TCF7L2: variants seen among roughly 807,000 people sequenced by gnomAD.
The protein encoded by TCF7L2 is transcription factor 7 like 2.
TCF7L2 carries 23 observed loss-of-function variants against 77.9 expected under a neutral mutation model. That is an observed-to-expected ratio of 0.30 (90% CI 0.21 to 0.42). The LOEUF (loss-of-function observed/expected upper bound fraction) is 0.42, where lower values mean the gene tolerates loss of function less well. Ranked by LOEUF, TCF7L2 falls within the 10% of genes least tolerant of loss-of-function variation. The pLI, the probability that TCF7L2 is intolerant of heterozygous loss-of-function variation, is 1.00. For synonymous variants in TCF7L2, 413 were observed against 340.2 expected, an observed-to-expected ratio of 1.21 and a Z score of -2.36; for missense variants, 654 against 793.1, an observed-to-expected ratio of 0.82 and a Z score of 2.11.
intron 4 of TCF7L2, among the ~76,000 whole-genome samples, chr10:112,989,217 A>G (rs567177081): frequency 5.3e-5 from 8 of 151,976 alleles, no homozygotes; most frequent in Non-Finnish European, 8.8e-5. Flanking sequence ...TCCAGTATAG[A>G]CCTGAAGCTG....
At chr10:113,150,912 T>C in intron 8 of TCF7L2, 86 bp from the exon 9 acceptor site, 1 of 1,557,302 alleles carries the variant, frequency 6.4e-7, no homozygotes, top group Non-Finnish European at 8.7e-7. Flanking sequence ...CGTGCTGTTT[T>C]TTTTTTTCTT....
At chr10:113,020,868 C>T (rs1443231282) in intron 4 of TCF7L2, among the ~76,000 whole-genome samples, 2 of 152,052 alleles carry the variant, frequency 1.3e-5, no homozygotes, top group Non-Finnish European at 2.9e-5. Context: ...CTCTTTGCAT[C>T]TACAGAATGA....
intron 4 of TCF7L2, among the ~76,000 whole-genome samples, chr10:112,975,837 C>T (rs2039321205): frequency 6.6e-6 from 1 of 152,194 alleles, no homozygotes; most frequent in African/African-American, 2.4e-5. Context: ...ATGCCACTGG[C>T]ACCCAACAAA....
intron 4 of TCF7L2, among the ~76,000 whole-genome samples, chr10:112,969,232 G>C (rs1054792380): frequency 6.6e-6 from 1 of 152,090 alleles, no homozygotes; most frequent in Non-Finnish European, 1.5e-5. Context: ...CATGTAAATG[G>C]AATCTTATAG....
chr10:113,017,481 G>A (rs192782508), intron 4 of TCF7L2, among the ~76,000 whole-genome samples: 19 of 152,332 alleles, frequency 1.2e-4, no homozygotes, highest in Admixed American at 5.2e-4. Flanking sequence ...CTGCAGTGAC[G>A]GAGACATCTT....
intron 13 of TCF7L2, chr10:113,161,103 A>C (rs752979126): frequency 4.1e-6 from 1 of 241,528 alleles, no homozygotes; most frequent in Non-Finnish European, 7.9e-6. Flanking sequence ...CCGTGCACTT[A>C]GAGTCGAGAC....
intron 4 of TCF7L2, among the ~76,000 whole-genome samples, chr10:112,965,450 G>A (rs898897659): frequency 2.6e-5 from 4 of 152,200 alleles, no homozygotes; most frequent in African/African-American, 7.2e-5. Flanking sequence ...AACTTCTTGA[G>A]TGTTCTGGCT....
Position 113,141,202 on chromosome 10 carries a change from G to T in TCF7L2, c.571G>T (p.Val191Leu), listed in dbSNP as rs2136839005. ...CCCACAGTCTAACAAAGTGCCAGTG[G>T]TGCAGCACCCTCACCATGTCCACCC... is the stretch of plus-strand genomic sequence containing the variant. The change falls in exon 6 of 14, where the codon GTG (valine) becomes TTG (leucine). Residue 191 changes from valine (V) to leucine (L), a missense_variant. Physicochemically the swap from Val to Leu is conservative, Grantham distance 32. Around this residue, in one of 6 missense-constraint regions of TCF7L2, gnomAD observed 179 missense variants for 270.6 expected, o/e 0.66. Coordinates refer to ENST00000627217, the MANE Select transcript of TCF7L2 (RefSeq NM_001146274.2). 1 of 1,614,094 alleles carries T rather than the reference G, an allele frequency of 6.2e-7. No homozygotes were observed. Among genetic ancestry groups the T allele is most frequent in the Non-Finnish European group, 8.5e-7 (1 of 1,180,018 alleles).
At chr10:113,111,768 G>A (rs1200890561) in intron 5 of TCF7L2, among the ~76,000 whole-genome samples, 1 of 151,726 alleles carries the variant, frequency 6.6e-6, no homozygotes, top group Non-Finnish European at 1.5e-5. Flanking sequence ...CTCCAGCCTG[G>A]GCAACTGAGT....
intron 4 of TCF7L2, among the ~76,000 whole-genome samples, chr10:112,978,727 T>G (rs2039921074): frequency 1.3e-5 from 2 of 151,402 alleles, no homozygotes; most frequent in Admixed American, 1.3e-4. Context: ...GATCCACCTG[T>G]CTTGGCCTCC....
chr10:113,138,934 G>C (rs1225787761), intron 5 of TCF7L2, among the ~76,000 whole-genome samples: 10 of 152,130 alleles, frequency 6.6e-5, no homozygotes, highest in African/African-American at 2.4e-4. Context: ...TGCTTGACTA[G>C]GGGCTGACTG....
chr10:113,121,404 G>T (rs2064751876), intron 5 of TCF7L2, among the ~76,000 whole-genome samples: 1 of 152,174 alleles, frequency 6.6e-6, no homozygotes, highest in South Asian at 2.1e-4. Flanking sequence ...TTGCCGCAAG[G>T]CCTGGCTCTT....
At chr10:113,077,704 T>TC (rs1338360442) in intron 5 of TCF7L2, among the ~76,000 whole-genome samples, 2 of 145,376 alleles carry the variant, frequency 1.4e-5, no homozygotes, top group Non-Finnish European at 1.5e-5. Flanking sequence ...CTTTTCTTCT[T>TC]TTTTTTTTTT....
chr10:113,041,515 C>G (rs1005285390), intron 5 of TCF7L2, among the ~76,000 whole-genome samples: 3 of 152,160 alleles, frequency 2.0e-5, no homozygotes, highest in Non-Finnish European at 4.4e-5. Flanking sequence ...GTTCTCTGCT[C>G]CCTTTCCAGA....
intron 5 of TCF7L2, among the ~76,000 whole-genome samples, chr10:113,127,610 T>C (rs375908353): frequency 2.6e-5 from 4 of 151,708 alleles, no homozygotes; most frequent in South Asian, 2.1e-4. Context: ...GTTGCTGTCT[T>C]TTTTTTTAAA....
intron 5 of TCF7L2, among the ~76,000 whole-genome samples, chr10:113,061,529 C>T (rs139181967): frequency 5.3e-5 from 8 of 152,226 alleles, no homozygotes; most frequent in South Asian, 2.1e-4. Context: ...AGTGAGGATA[C>T]GTGTAGTAAT....
chr10:113,137,890 G>A (rs10885420), intron 5 of TCF7L2, among the ~76,000 whole-genome samples: 12,294 of 152,280 alleles, frequency 0.081, 968 homozygotes, highest in Admixed American at 0.24. Context: ...ACCAAGAAGG[G>A]TGCACACACA....
chr10:112,951,308 A>AGCCGCCCCCCGGGCCGGCCGCCCCGC, intron 2 of TCF7L2, 35 bp downstream of exon 2: 2 of 1,096,396 alleles, frequency 1.8e-6, no homozygotes, highest in South Asian at 6.0e-5. Context: ...AGCCGCCCGG[A>AGCCGCCCCCCGGGCCGGCCGCCCCGC]GCCGCCCCCC....
At chr10:113,017,554 G>A (rs1285696427) in intron 4 of TCF7L2, among the ~76,000 whole-genome samples, 1 of 152,210 alleles carries the variant, frequency 6.6e-6, no homozygotes, top group African/African-American at 2.4e-5. Flanking sequence ...GAAGGAGGAG[G>A]GAGCAGAGGG....
Sources: allele counts gnomAD v4.1 joint callset (sites outside exome capture counted in the v4.1 genomes callset), GRCh38; gene constraint gnomAD v4.1.1; regional missense constraint gnomAD v4.1.1; transcripts MANE v1.5; gene names NCBI Gene and HGNC (gene_info 2026-07-23, HGNC 2026-07-21).